CSMD1: variants seen among roughly 807,000 people sequenced by gnomAD.
CSMD1 encodes CUB and Sushi multiple domains 1.
A neutral mutation model predicts 417.5 loss-of-function variants in CSMD1; 213 were observed. The observed-to-expected ratio is 0.51, with a 90% CI of 0.46 to 0.57. The LOEUF is 0.57. CSMD1 is among the 20% of genes least tolerant of loss of function. The probability of loss-of-function intolerance (pLI) is 0.00; values close to 1 mark genes in which losing one functional copy is unlikely to be tolerated. For synonymous variants in CSMD1, 2,862 were observed against 1,736.8 expected (o/e 1.65, Z -16.11); for missense variants, 6,923 against 4,529.7 (o/e 1.53, Z -15.17).
chr8:3,604,408 G>C (rs553960775), intron 8 of CSMD1, among the ~76,000 whole-genome samples: 63 of 152,224 alleles, frequency 4.1e-4, no homozygotes, highest in African/African-American at 1.5e-3. Flanking sequence ...TCTCTGGTCA[G>C]TATATAACAC....
intron 7 of CSMD1, among the ~76,000 whole-genome samples, chr8:3,646,708 G>A (rs776586798): frequency 3.9e-5 from 6 of 152,100 alleles, no homozygotes; most frequent in African/African-American, 2.4e-5. Context: ...CTTCTAAACA[G>A]CGCTTTCGAC....
intron 1 of CSMD1, among the ~76,000 whole-genome samples, chr8:4,856,094 A>G (rs1325561163): frequency 1.3e-5 from 2 of 152,150 alleles, no homozygotes; most frequent in African/African-American, 2.4e-5. Context: ...GCCAGAAGAG[A>G]GTGGGGGCCA....
intron 3 of CSMD1, among the ~76,000 whole-genome samples, chr8:4,227,642 A>G (rs943632125): frequency 6.6e-6 from 1 of 151,976 alleles, no homozygotes; most frequent in Non-Finnish European, 1.5e-5. Flanking sequence ...TCTTCCTACC[A>G]ATCATTGCCA....
intron 54 of CSMD1, among the ~76,000 whole-genome samples, chr8:2,982,788 C>T (rs1008934282): frequency 6.6e-6 from 1 of 152,178 alleles, no homozygotes; most frequent in Non-Finnish European, 1.5e-5. Context: ...GCAGTGTTTT[C>T]CTGAAAAACT....
intron 3 of CSMD1, among the ~76,000 whole-genome samples, chr8:4,396,492 G>A (rs985151990): frequency 3.9e-5 from 6 of 151,950 alleles, no homozygotes; most frequent in African/African-American, 1.5e-4. Context: ...GAATTGCACT[G>A]GATTTATCGA....
At chr8:3,423,891 G>C (rs577286258) in intron 12 of CSMD1, among the ~76,000 whole-genome samples, 1 of 152,060 alleles carries the variant, frequency 6.6e-6, no homozygotes, top group Non-Finnish European at 1.5e-5. Flanking sequence ...CTTGTGTTTA[G>C]ACAAATTAAT....
chr8:3,142,983 C>G (rs1227549281), intron 40 of CSMD1, among the ~76,000 whole-genome samples: 1 of 152,218 alleles, frequency 6.6e-6, no homozygotes, highest in Non-Finnish European at 1.5e-5. Context: ...TAACAACTAG[C>G]ACACACGCAC....
chr8:3,406,321 A>T (rs1812339111), intron 14 of CSMD1, 100 bp from the exon 15 acceptor site: 5 of 833,036 alleles, frequency 6.0e-6, no homozygotes, highest in Non-Finnish European at 8.9e-6. Context: ...AAGCATTCAT[A>T]TAATGTATAT....
chr8:3,754,500 G>A (rs1797544517), intron 5 of CSMD1, among the ~76,000 whole-genome samples: 1 of 151,656 alleles, frequency 6.6e-6, no homozygotes, highest in Non-Finnish European at 1.5e-5. Context: ...TGTCATCCAG[G>A]CTGGAGGGCA....
At chr8:4,773,531 T>G (rs1456205286) in intron 1 of CSMD1, among the ~76,000 whole-genome samples, 2 of 152,194 alleles carry the variant, frequency 1.3e-5, no homozygotes, top group Non-Finnish European at 2.9e-5. Context: ...GTTTTTATGA[T>G]TCAGTTGAAA....
chr8:4,176,292 G>C (rs930762879), intron 3 of CSMD1, among the ~76,000 whole-genome samples: 3 of 152,018 alleles, frequency 2.0e-5, no homozygotes, highest in African/African-American at 4.8e-5. Flanking sequence ...AAATTCTATA[G>C]CAAGTGTCCA....
At chr8:4,149,483 A>C (rs1460851873) in intron 3 of CSMD1, among the ~76,000 whole-genome samples, 1 of 152,230 alleles carries the variant, frequency 6.6e-6, no homozygotes, top group African/African-American at 2.4e-5. Flanking sequence ...TTGAAGGATT[A>C]CTCTATCTGG....
Position 3,932,460 on chromosome 8 carries a change from A to G in CSMD1, c.818+65443T>C, listed in dbSNP as rs572555058. Among the ~76,000 whole-genome samples, 117 of 150,574 alleles carry G rather than the reference A, an allele frequency of 7.8e-4. 4 individuals carry two copies. Among genetic ancestry groups the G allele is most frequent in the African/African-American group, 2.7e-3 (111 of 40,848 alleles). ...CTCATAACCCAGCCTCAGCACGGTA[A>G]TAAGACCTTGATATGTAGGACCTTG... On this transcript the variant is annotated intron_variant, in intron 5 of 69. Coordinates refer to ENST00000635120, the MANE Select transcript of CSMD1 (RefSeq NM_033225.6).
intron 26 of CSMD1, among the ~76,000 whole-genome samples, chr8:3,266,421 C>T (rs950370289): frequency 6.6e-6 from 1 of 151,368 alleles, no homozygotes; most frequent in Non-Finnish European, 1.5e-5. Flanking sequence ...GCCTGGCTAA[C>T]ATGGCAAAAC....
At chr8:4,379,540 T>C (rs1274834133) in intron 3 of CSMD1, among the ~76,000 whole-genome samples, 2 of 152,202 alleles carry the variant, frequency 1.3e-5, no homozygotes, top group African/African-American at 4.8e-5. Context: ...ATATAGGATG[T>C]CTGTATTATT....
chr8:3,763,156 T>C (rs1168913821), intron 5 of CSMD1, among the ~76,000 whole-genome samples: 6 of 152,224 alleles, frequency 3.9e-5, no homozygotes, highest in African/African-American at 1.4e-4. Flanking sequence ...CAAAGAGGTC[T>C]CTTCACCCAC....
At chr8:4,113,098 A>T (rs1026006742) in intron 3 of CSMD1, among the ~76,000 whole-genome samples, 1 of 152,232 alleles carries the variant, frequency 6.6e-6, no homozygotes, top group South Asian at 2.1e-4. Context: ...TTAAATGATT[A>T]ATGTGGTGTG....
chr8:4,359,301 T>A (rs1003330999), intron 3 of CSMD1, among the ~76,000 whole-genome samples: 1 of 152,224 alleles, frequency 6.6e-6, no homozygotes, highest in African/African-American at 2.4e-5. Flanking sequence ...TATATATGGC[T>A]GCAGTGCATT....
intron 17 of CSMD1, among the ~76,000 whole-genome samples, chr8:3,390,354 CAAAAAAAAA>C (rs35292914): frequency 2.6e-4 from 17 of 64,250 alleles, no homozygotes; most frequent in African/African-American, 4.4e-4. Context: ...GACTCTGTCT[CAAAAAAAAA>C]AAAAAAAAAA....
Sources: gnomAD v4.1 joint callset for allele counts (sites outside exome capture counted in the v4.1 genomes callset) on GRCh38, gnomAD v4.1.1 for gene constraint, MANE v1.5 for transcripts, NCBI Gene and HGNC (gene_info 2026-07-23, HGNC 2026-07-21) for gene names.